The following TLN1 variants were observed in gnomAD, a reference collection of about 807,000 sequenced individuals.
TLN1 encodes talin 1, also known as talin-1.
TLN1 carries 56 observed loss-of-function variants against 292.3 expected under a neutral mutation model. The observed-to-expected ratio is 0.19, with a 90% confidence interval of 0.15 to 0.24. TLN1 has a LOEUF of 0.24. Among genes scored for constraint, TLN1 ranks in the 10% least tolerant of loss-of-function variants. The pLI is 1.00. For missense variants in TLN1, 2,433 were observed against 3,248.2 expected, an observed-to-expected ratio of 0.75 and a Z score of 6.10; for synonymous variants, 1,119 against 1,253.7, an observed-to-expected ratio of 0.89 and a Z score of 2.27.
rs774535916 is a variant in TLN1, at chr9:35,707,516, C to T, written c.4633-28G>A. 1.2e-5 allele frequency: 20 copies of T among 1,612,026 alleles called. No homozygotes were observed. In the South Asian group the frequency reaches 2.0e-4, roughly 16 times the overall value. The stretch of plus-strand genomic sequence containing the variant: ...AGAAGTGACAGAGAGGCTCTCAGGA[C>T]TTGGGATGCAGTCATAGGGGGTATA... On this transcript the variant is annotated intron_variant, in intron 35 of 56. Transcript: ENST00000314888. The surrounding 1 kb of genome is among the most constrained non-coding windows in gnomAD (Gnocchi z 5.6).
In TLN1 at chr9:35,697,643, C is replaced by T. The variant is rs190502467; in HGVS notation, c.*148G>A. 3.0e-4 allele frequency: 355 copies of T among 1,187,890 alleles called. 1 individual carries two copies. Among genetic ancestry groups the T allele is most frequent in the Admixed American group, 1.6e-3 (67 of 42,656 alleles). The allele number at this position is 1,187,890 out of a possible 1,614,324, so 73.6% of individuals were successfully genotyped here. ...TGGGGAGGGGACAGGGGATGTACTG[C>T]GGGACTGGGCGGGGCCAGGCCCTGG... On this transcript the variant is annotated 3_prime_UTR_variant, in exon 57 of 57. Transcript: ENST00000314888.
At chr9:35,713,700 A>C (rs375267594) in intron 25 of TLN1, among the ~76,000 whole-genome samples, 3 of 151,868 alleles carry the variant, frequency 2.0e-5, no homozygotes, top group African/African-American at 7.3e-5. Flanking sequence ...AAAAGAAATA[A>C]AAGAACGGAA....
chr9:35,712,957 C>T lies in TLN1; in HGVS notation c.3439G>A (p.Val1147Met), dbSNP rs982163521. ...GCCGTATCAAGTACAATGGCCTGCACTGCAGGATCTGACGTCAGTGCAGCG... is the reference window on the plus strand; with the variant it reads ...GCCGTATCAAGTACAATGGCCTGCATTGCAGGATCTGACGTCAGTGCAGCG... ...GVAALTSDPA[V>M]QAIVLDTASD... Residue 1147 changes from valine to methionine, a missense_variant, in exon 27 of 57, where the codon GTG becomes ATG. By Grantham distance (21) the Val-to-Met change is conservative. Coordinates refer to ENST00000314888, the MANE Select transcript of TLN1 (RefSeq NM_006289.4). The T allele has an allele frequency of 1.9e-6, 3 of 1,610,584 alleles. No individual in the cohort carries two copies. Among genetic ancestry groups the T allele is most frequent in the African/African-American group, 2.7e-5 (2 of 74,996 alleles).
At chr9:35,728,591 C>G (rs530115258) in intron 1 of TLN1, among the ~76,000 whole-genome samples, 2 of 152,322 alleles carry the variant, frequency 1.3e-5, no homozygotes, top group Non-Finnish European at 2.9e-5. Context: ...CTTACTCTCT[C>G]TATACACACA....
chr9:35,707,976 T>C lies in TLN1; in HGVS notation c.4471-84A>G, dbSNP rs115687555. The C allele has an allele frequency of 3.5e-4, 519 of 1,502,018 alleles. 2 individuals are homozygous for C. In the African/African-American group the frequency reaches 6.3e-3, roughly 18 times the overall value. The allele number at this position is 1,502,018 out of a possible 1,614,324, so 93.0% of individuals were successfully genotyped here. A position where few individuals can be genotyped will look rare whatever the true frequency, so the allele number is the denominator to read the frequency against. On this transcript the variant is annotated intron_variant, in intron 34 of 56. Coordinates refer to ENST00000314888, the MANE Select transcript of TLN1 (RefSeq NM_006289.4). The surrounding 1 kb of genome is among the most constrained non-coding windows in gnomAD (Gnocchi z 5.6). ...GAGGAGCCATTTTAGGGTCAGGGGA[T>C]GGAGAGCAATACCCTGAGGAGTCAA...
rs916252549 is a variant in TLN1, at chr9:35,725,473, G to A, written c.130+92C>T. 4 of 1,565,462 alleles carry A rather than the reference G, an allele frequency of 2.6e-6. No individual in the cohort carries two copies. The African/African-American group carries it at 4.1e-5, about 16-fold the overall frequency. ...CAGACCTGAGGGGTGAGTAGTCTTAGGGGACAAAGGGGTCAACTCTCAAGG... is the reference window on the plus strand; with the variant it reads ...CAGACCTGAGGGGTGAGTAGTCTTAAGGGACAAAGGGGTCAACTCTCAAGG... On this transcript the variant is annotated intron_variant, in intron 2 of 56. Coordinates refer to ENST00000314888, the MANE Select transcript of TLN1 (RefSeq NM_006289.4).
intron 1 of TLN1, among the ~76,000 whole-genome samples, chr9:35,727,506 GCTCT>G (rs914044704): frequency 1.3e-5 from 2 of 152,234 alleles, no homozygotes; most frequent in South Asian, 2.1e-4. Flanking sequence ...AAGAACCACA[GCTCT>G]CTGTCTTTAC....
rs372764800 is a variant in TLN1, at chr9:35,698,221, G to A, written c.7372-49C>T. 179 of 1,611,334 alleles carry A rather than the reference G, an allele frequency of 1.1e-4. No homozygotes were observed. The African/African-American group carries it at 2.1e-3, about 19-fold the overall frequency. On this transcript the variant is annotated intron_variant, in intron 55 of 56. Transcript: ENST00000314888. The surrounding 1 kb of genome is among the most constrained non-coding windows in gnomAD (Gnocchi z 5.3). Reference sequence around the variant, plus strand: ...GGTTGAGAACTCAGGTACGGTCCCAGTTGAGACAGTACCTCAATTCTCTCA... The same window carrying A: ...GGTTGAGAACTCAGGTACGGTCCCAATTGAGACAGTACCTCAATTCTCTCA...
chr9:35,703,219 C>A (rs1255111308), intron 48 of TLN1, among the ~76,000 whole-genome samples: 1 of 152,146 alleles, frequency 6.6e-6, no homozygotes, highest in Non-Finnish European at 1.5e-5. Context: ...AGCACTTGAA[C>A]CTGGGAGGTG....
In TLN1 at chr9:35,710,927, C is replaced by T. The variant is rs758537889; in HGVS notation, c.4114-41G>A. 6.8e-5 allele frequency: 110 copies of T among 1,613,770 alleles called. 1 individual carries two copies. In the South Asian group the frequency reaches 9.2e-4, roughly 14 times the overall value. ...GCAAAGTGAGATCCAAGACACCTCCCTCAGGCCCAAAACCAGAACACTTCC... is the reference window on the plus strand; with the variant it reads ...GCAAAGTGAGATCCAAGACACCTCCTTCAGGCCCAAAACCAGAACACTTCC... On this transcript the variant is annotated intron_variant, in intron 31 of 56. Transcript: ENST00000314888.
Position 35,714,604 on chromosome 9 carries a change from G to T in TLN1, c.2955C>A (p.Ala985=). The T allele has an allele frequency of 6.2e-7, 1 of 1,612,480 alleles. No homozygotes were observed. Among genetic ancestry groups the T allele is most frequent in the Non-Finnish European group, 8.5e-7 (1 of 1,180,028 alleles). The change falls in exon 23 of 57, where the codon GCC becomes GCA. Residue 985 remains alanine, a synonymous_variant. Coordinates refer to ENST00000314888, the MANE Select transcript of TLN1 (RefSeq NM_006289.4). This position sits in a 1 kb window ranked among gnomAD's most constrained non-coding sequence, Gnocchi z 4.6. The part of the protein sequence containing the change: ...AQPDSPSAQL[A]LIAASQSFLQ... ...GGAAGCTCTGGCTGGCAGCAATGAGGGCAAGCTGAGCGCTGGGGCTGTCAG... is the reference window on the plus strand; with the variant it reads ...GGAAGCTCTGGCTGGCAGCAATGAGTGCAAGCTGAGCGCTGGGGCTGTCAG...
At chr9:35,701,811 T>C (rs934967343) in intron 48 of TLN1, among the ~76,000 whole-genome samples, 1 of 152,086 alleles carries the variant, frequency 6.6e-6, no homozygotes, top group East Asian at 1.9e-4. Flanking sequence ...GTCTAATATA[T>C]TGAAGCTAGG....
In TLN1 at chr9:35,714,930, G is replaced by A; in HGVS notation, c.2755-54C>T. On this transcript the variant is annotated intron_variant, in intron 21 of 56. Coordinates refer to ENST00000314888, the MANE Select transcript of TLN1 (RefSeq NM_006289.4). The surrounding 1 kb of genome is among the most constrained non-coding windows in gnomAD (Gnocchi z 4.6). ...CCCATGGATTCCCATGCCCAGCCCA[G>A]TCCCTGGCCTACCTTGCCCAGGTTA... 6.2e-7 allele frequency: 1 copy of A among 1,605,640 alleles called. No homozygotes were observed. Among genetic ancestry groups the A allele is most frequent in the East Asian group, 2.2e-5 (1 of 44,840 alleles).
At chr9:35,710,350 G>C (rs898245184) in intron 33 of TLN1, among the ~76,000 whole-genome samples, 2 of 151,762 alleles carry the variant, frequency 1.3e-5, no homozygotes, top group Non-Finnish European at 2.9e-5. Flanking sequence ...CCTAACCAAA[G>C]TACCAGGGTT....
At chr9:35,728,698 C>A (rs1414500082) in intron 1 of TLN1, among the ~76,000 whole-genome samples, 1 of 152,172 alleles carries the variant, frequency 6.6e-6, no homozygotes, top group African/African-American at 2.4e-5. Context: ...GCACAGATAA[C>A]CTCCATAACA....
In TLN1 at chr9:35,715,084, T is replaced by C. The variant is rs778755374; in HGVS notation, c.2729A>G (p.Lys910Arg). Residue 910 changes from lysine (K) to arginine (R), a missense_variant, in exon 21 of 57, where the codon AAG (lysine) becomes AGG (arginine). By Grantham distance (26) the Lys-to-Arg change is conservative. This residue lies in a region of TLN1 where 617 missense variants were observed against 770.6 expected (regional missense o/e 0.80). Transcript: ENST00000314888. ...ATNAAAQNAI[K>R]KKLVQRLEHA... ...CTCCAGGCGCTGCACCAGCTTTTTC[T>C]TGATGGCATTCTGCGCAGCTGCATT... 26 of 1,613,120 alleles carry C rather than the reference T, an allele frequency of 1.6e-5. No homozygotes were observed. Among genetic ancestry groups the C allele is most frequent in the Non-Finnish European group, 2.2e-5 (26 of 1,180,046 alleles).
Position 35,719,895 on chromosome 9 carries a change from T to C in TLN1, c.1465-42A>G, listed in dbSNP as rs566763810. The C allele has an allele frequency of 6.4e-7, 1 of 1,570,118 alleles. No homozygotes were observed. The highest frequency in any genetic ancestry group is 1.9e-5 in the Admixed American group (1 of 52,796). ...AGAAACAGGGACTGGAATGGATGTTTGGAGAAAAGAGAAGGTAAAAGAGAA... is the reference window on the plus strand; with the variant it reads ...AGAAACAGGGACTGGAATGGATGTTCGGAGAAAAGAGAAGGTAAAAGAGAA... On this transcript the variant is annotated intron_variant, in intron 13 of 56. Coordinates refer to ENST00000314888, the MANE Select transcript of TLN1 (RefSeq NM_006289.4). This position sits in a 1 kb window ranked among gnomAD's most constrained non-coding sequence, Gnocchi z 4.6.
Position 35,703,691 on chromosome 9 carries a change from G to C in TLN1, c.6358-15C>G, listed in dbSNP as rs767387395. ...GTCACCATCACCTGGAGGTATCAGA[G>C]GAGTGAAGAGGAATGATTTTAAGGA... On this transcript the variant is annotated splice_polypyrimidine_tract_variant and intron_variant, in intron 47 of 56. Transcript: ENST00000314888. The C allele has an allele frequency of 2.5e-6, 4 of 1,614,080 alleles. No homozygotes were observed. In the African/African-American group the frequency reaches 4.0e-5, roughly 16 times the overall value.
chr9:35,712,749 C>T (rs1202707198), intron 27 of TLN1, 86 bp downstream of exon 27: 26 of 1,220,214 alleles, frequency 2.1e-5, no homozygotes, highest in East Asian at 1.3e-4. Flanking sequence ...TGAGTGTGGA[C>T]GAGGCTCAGA....
Sources: gnomAD v4.1 joint callset for allele counts (sites outside exome capture counted in the v4.1 genomes callset) on GRCh38, gnomAD v4.1.1 for gene constraint, gnomAD v4.1.1 regional missense constraint, Gnocchi (gnomAD v3.1) non-coding constraint, MANE v1.5 for transcripts, NCBI Gene and HGNC (gene_info 2026-07-23, HGNC 2026-07-21) for gene names.